Variants in ZC3H18 observed in about 807,000 individuals in gnomAD.
The protein encoded by ZC3H18 is zinc finger CCCH domain-containing protein 18.
Under a neutral mutation model 106.1 loss-of-function variants are expected in ZC3H18, and 8 were observed. That is an observed-to-expected ratio of 0.08 (90% CI 0.04 to 0.14). The LOEUF is 0.14. ZC3H18 is among the 10% of genes least tolerant of loss of function. The pLI, the probability that ZC3H18 is intolerant of heterozygous loss-of-function variation, is 1.00. For synonymous variants in ZC3H18, 635 were observed against 522.1 expected, an observed-to-expected ratio of 1.22 and a Z score of -2.95; for missense variants, 1,318 against 1,278.4, an observed-to-expected ratio of 1.03 and a Z score of -0.47.
At chr16:88,603,033 T>C (rs1229463740) in intron 6 of ZC3H18, among the ~76,000 whole-genome samples, 4 of 151,952 alleles carry the variant, frequency 2.6e-5, no homozygotes, top group Admixed American at 6.5e-5. Context: ...GGTGCCATCT[T>C]GGCTCACTGT....
chr16:88,587,636 T>A, intron 3 of ZC3H18: 1 of 1,526,598 alleles, frequency 6.6e-7, no homozygotes, highest in South Asian at 1.2e-5. Context: ...CTATATTCAC[T>A]CTCTTCAGTA....
At chr16:88,631,012 C>T in intron 17 of ZC3H18, 89 bp from the exon 18 acceptor site, 2 of 1,534,708 alleles carry the variant, frequency 1.3e-6, no homozygotes, top group Admixed American at 1.7e-5. Flanking sequence ...CCGCTGAGGA[C>T]ACAGTGGAAG....
chr16:88,571,377 G>T (rs1232200184), intron 1 of ZC3H18, among the ~76,000 whole-genome samples: 6 of 152,162 alleles, frequency 3.9e-5, no homozygotes, highest in Non-Finnish European at 8.8e-5. Flanking sequence ...GTGTAGCAAG[G>T]TGCTCATCAT....
chr16:88,580,645 A>C (rs535528300), intron 2 of ZC3H18, among the ~76,000 whole-genome samples: 1 of 152,034 alleles, frequency 6.6e-6, no homozygotes, highest in Non-Finnish European at 1.5e-5. Flanking sequence ...TCTTTCTCAG[A>C]GGCCCTGCTG....
At chr16:88,587,914 G>A (rs1486510984) in intron 3 of ZC3H18, among the ~76,000 whole-genome samples, 3 of 152,200 alleles carry the variant, frequency 2.0e-5, no homozygotes, top group South Asian at 2.1e-4. Flanking sequence ...GGGGCTCATG[G>A]GAACCCCGGG....
chr16:88,587,444 T>C, intron 3 of ZC3H18: 1 of 1,058,730 alleles, frequency 9.4e-7, no homozygotes, highest in Middle Eastern at 2.0e-4. Context: ...TGTTTTTCTC[T>C]TTTCTCTTAA....
chr16:88,598,780 G>T (rs1353222578), intron 5 of ZC3H18, 68 bp downstream of exon 5: 27 of 1,472,376 alleles, frequency 1.8e-5, no homozygotes, highest in Non-Finnish European at 2.2e-5. Flanking sequence ...TGACAAAACT[G>T]GGATTTCCTC....
chr16:88,616,893 C>T (rs1335143538), intron 8 of ZC3H18, among the ~76,000 whole-genome samples: 2 of 152,160 alleles, frequency 1.3e-5, no homozygotes, highest in African/African-American at 2.4e-5. Context: ...TAGTGAAGCG[C>T]AGTCACTTTT....
intron 1 of ZC3H18, among the ~76,000 whole-genome samples, chr16:88,574,517 G>C (rs1480413123): frequency 6.6e-6 from 1 of 151,160 alleles, no homozygotes; most frequent in African/African-American, 2.4e-5. Context: ...CCAGATTTGG[G>C]TTTTTTTGGC....
intron 8 of ZC3H18, among the ~76,000 whole-genome samples, chr16:88,621,948 T>A (rs944726322): frequency 6.6e-6 from 1 of 152,184 alleles, no homozygotes; most frequent in Non-Finnish European, 1.5e-5. Context: ...TAACTGCCAT[T>A]CTGGTTCAGG....
chr16:88,618,407 T>C (rs1905756579), intron 8 of ZC3H18, among the ~76,000 whole-genome samples: 1 of 152,218 alleles, frequency 6.6e-6, no homozygotes, highest in Non-Finnish European at 1.5e-5. Flanking sequence ...TAGGCTCCCA[T>C]CTCCCTTTTC....
Position 88,624,593 on chromosome 16 carries a change from G to C in ZC3H18, c.1899-9G>C, listed in dbSNP as rs1331280942. Reference sequence around the variant, plus strand: ...AGCCCTGCCCTGCTCGAGCCTCCCTGTCTCACAGAGAGAAGTCAGTGAAGA... The same window carrying C: ...AGCCCTGCCCTGCTCGAGCCTCCCTCTCTCACAGAGAGAAGTCAGTGAAGA... On this transcript the variant is annotated splice_polypyrimidine_tract_variant and intron_variant, in intron 11 of 17. Transcript: ENST00000301011. The C allele has an allele frequency of 1.9e-6, 3 of 1,612,446 alleles. No homozygotes were observed. The highest frequency in any genetic ancestry group is 2.7e-5 in the African/African-American group (2 of 74,756).
intron 3 of ZC3H18, 132 bp downstream of exon 3, chr16:88,586,816 T>TGGG: frequency 5.1e-6 from 3 of 583,194 alleles, no homozygotes; most frequent in Non-Finnish European, 9.4e-6. Context: ...TAGGTGGTGG[T>TGGG]GGTGGTGGTG....
intron 2 of ZC3H18, among the ~76,000 whole-genome samples, chr16:88,581,519 G>A (rs1182740614): frequency 1.3e-5 from 2 of 152,176 alleles, no homozygotes; most frequent in Non-Finnish European, 2.9e-5. Context: ...GTATCTTCTG[G>A]AAGTGCCGCT....
intron 13 of ZC3H18, chr16:88,625,502 G>A (rs2142823398): frequency 1.8e-6 from 1 of 557,568 alleles, no homozygotes; most frequent in Non-Finnish European, 3.2e-6. Context: ...ACAAACTCGG[G>A]GGCACTCAGG....
intron 3 of ZC3H18, among the ~76,000 whole-genome samples, chr16:88,589,871 C>T (rs1915640513): frequency 6.6e-6 from 1 of 152,200 alleles, no homozygotes. Flanking sequence ...CTAGAACTAG[C>T]TAGTGGTGAT....
chr16:88,624,088 CCT>C (rs1362209662), intron 11 of ZC3H18, 26 bp downstream of exon 11: 1 of 1,611,614 alleles, frequency 6.2e-7, no homozygotes, highest in Non-Finnish European at 8.5e-7. Context: ...GTGGGCAAGT[CCT>C]GGCCGGCCAG....
At chr16:88,624,811 C>G in intron 12 of ZC3H18, 66 bp downstream of exon 12, 1 of 1,520,250 alleles carries the variant, frequency 6.6e-7, no homozygotes, top group Non-Finnish European at 8.8e-7. Context: ...GATGCTGGCA[C>G]TGCTGGAAAT....
chr16:88,617,269 G>A (rs1905672908), intron 8 of ZC3H18, among the ~76,000 whole-genome samples: 1 of 90,412 alleles, frequency 1.1e-5, no homozygotes, highest in Admixed American at 1.4e-4. Flanking sequence ...TCTCTGGCAG[G>A]GCTTCTTGAC....
Sources: allele counts gnomAD v4.1 joint callset (sites outside exome capture counted in the v4.1 genomes callset), GRCh38; gene constraint gnomAD v4.1.1; transcripts MANE v1.5; gene names NCBI Gene and HGNC (gene_info 2026-07-23, HGNC 2026-07-21).